The following ARB2A variants were observed in gnomAD, a reference collection of about 807,000 sequenced individuals.
ARB2A encodes cotranscriptional regulator ARB2A.
chr5:93,835,174 A>G, the ARB2A span, among the ~76,000 whole-genome samples: 7 of 152,208 alleles, frequency 4.6e-5, no homozygotes, highest in Admixed American at 1.3e-4. Context: ...AACAGAAGTG[A>G]TGCAGTAACC....
At chr5:93,904,475 A>G in the ARB2A span, among the ~76,000 whole-genome samples, 2 of 151,844 alleles carry the variant, frequency 1.3e-5, no homozygotes, top group Non-Finnish European at 2.9e-5. Flanking sequence ...GAGTTAAGAA[A>G]CAGCCTCAAA....
At chr5:93,677,518 C>T in the ARB2A span, among the ~76,000 whole-genome samples, 3 of 152,176 alleles carry the variant, frequency 2.0e-5, 1 homozygote, top group South Asian at 4.1e-4. Flanking sequence ...CAGGGAAGCA[C>T]GGCTGGAATC....
the ARB2A span, among the ~76,000 whole-genome samples, chr5:94,076,177 T>C: frequency 6.6e-6 from 1 of 152,204 alleles, no homozygotes; most frequent in Non-Finnish European, 1.5e-5. Context: ...ATTTACGAAA[T>C]GTCGCTTCAA....
the ARB2A span, among the ~76,000 whole-genome samples, chr5:94,043,514 A>G: frequency 3.3e-5 from 5 of 152,228 alleles, no homozygotes; most frequent in African/African-American, 1.2e-4. Flanking sequence ...CACAACTGGA[A>G]AAACTGGTTA....
the ARB2A span, among the ~76,000 whole-genome samples, chr5:93,845,246 A>G: frequency 6.6e-6 from 1 of 152,192 alleles, no homozygotes. Context: ...TCCTTATACT[A>G]CCAGGTCTGT....
At chr5:93,954,140 A>G in the ARB2A span, among the ~76,000 whole-genome samples, 4 of 152,090 alleles carry the variant, frequency 2.6e-5, no homozygotes, top group Non-Finnish European at 5.9e-5. Flanking sequence ...GCTGGTACCT[A>G]AGATGCAAGA....
chr5:93,927,925 A>C, the ARB2A span, among the ~76,000 whole-genome samples: 1 of 152,218 alleles, frequency 6.6e-6, no homozygotes, highest in Non-Finnish European at 1.5e-5. Flanking sequence ...TATCTATAAA[A>C]ATCATTAATT....
chr5:93,956,241 C>G, the ARB2A span, among the ~76,000 whole-genome samples: 1 of 152,134 alleles, frequency 6.6e-6, no homozygotes, highest in Non-Finnish European at 1.5e-5. Flanking sequence ...ACCTGTGGAG[C>G]CCTGGGGCAT....
chr5:93,987,761 T>G, the ARB2A span, among the ~76,000 whole-genome samples: 1 of 152,200 alleles, frequency 6.6e-6, no homozygotes, highest in Non-Finnish European at 1.5e-5. Context: ...AGAAGAGTCC[T>G]TATTGTATCC....
chr5:93,963,275 A>C, the ARB2A span, among the ~76,000 whole-genome samples: 12 of 152,018 alleles, frequency 7.9e-5, no homozygotes, highest in African/African-American at 2.7e-4. Context: ...AGACTGGTAT[A>C]TTCATTCCCA....
the ARB2A span, among the ~76,000 whole-genome samples, chr5:93,941,827 C>A: frequency 2.2e-4 from 34 of 152,036 alleles, no homozygotes; most frequent in Non-Finnish European, 4.1e-4. Flanking sequence ...GCATAAGAGA[C>A]CTTGTAATAT....
At chr5:93,896,828 G>T in the ARB2A span, among the ~76,000 whole-genome samples, 1 of 151,854 alleles carries the variant, frequency 6.6e-6, no homozygotes, top group Non-Finnish European at 1.5e-5. Context: ...CAACTACTGC[G>T]ACATATGCTC....
chr5:93,640,555 GGTGTGTGTGTGTGTGTGTATGTGTGTGT>G, the ARB2A span, among the ~76,000 whole-genome samples: 2 of 147,500 alleles, frequency 1.4e-5, no homozygotes, highest in South Asian at 2.1e-4. Flanking sequence ...TTCCTATAGG[GGTGTGTGTGTGTGTGTGTATGTGTGTGT>G]GTGTGTGTGT....
At chr5:93,947,493 G>T in the ARB2A span, among the ~76,000 whole-genome samples, 1 of 141,862 alleles carries the variant, frequency 7.0e-6, no homozygotes. Flanking sequence ...ACACAATCTT[G>T]GCTCACTGTA....
chr5:93,993,346 T>C, the ARB2A span, among the ~76,000 whole-genome samples: 1 of 152,172 alleles, frequency 6.6e-6, no homozygotes, highest in African/African-American at 2.4e-5. Flanking sequence ...CTATATGCAA[T>C]CCCATAGTGA....
the ARB2A span, among the ~76,000 whole-genome samples, chr5:94,045,025 A>C: frequency 1.3e-5 from 2 of 149,046 alleles, no homozygotes; most frequent in African/African-American, 4.9e-5. Flanking sequence ...AGACTGAGGT[A>C]AGAGAATTGC....
the ARB2A span, among the ~76,000 whole-genome samples, chr5:94,045,257 T>C: frequency 6.6e-6 from 1 of 151,924 alleles, no homozygotes; most frequent in Non-Finnish European, 1.5e-5. Context: ...CCAGCAGCCC[T>C]CAGGGCTGCT....
chr5:94,045,904 A>T, the ARB2A span, among the ~76,000 whole-genome samples: 65 of 152,288 alleles, frequency 4.3e-4, no homozygotes, highest in Non-Finnish European at 1.6e-4. Context: ...TTTTCATATA[A>T]GATAAAATAG....
At chr5:93,755,515 G>A in the ARB2A span, among the ~76,000 whole-genome samples, 1 of 152,270 alleles carries the variant, frequency 6.6e-6, no homozygotes, top group African/African-American at 2.4e-5. Context: ...AGACATAAGC[G>A]GACTGCTCCT....
Sources: gnomAD v4.1 joint callset for allele counts (sites outside exome capture counted in the v4.1 genomes callset) on GRCh38, gnomAD v4.1.1 for gene constraint, MANE v1.5 for transcripts, NCBI Gene and HGNC (gene_info 2026-07-23, HGNC 2026-07-21) for gene names.